The following CHST1 variants were observed in gnomAD, a reference collection of about 807,000 sequenced individuals.
The protein encoded by CHST1 is carbohydrate sulfotransferase 1.
Under a neutral mutation model 22.5 loss-of-function variants are expected in CHST1, and 10 were observed. That is an observed-to-expected ratio of 0.44 (90% confidence interval 0.27 to 0.75). The LOEUF (loss-of-function observed/expected upper bound fraction) is 0.75. Among genes scored for constraint, CHST1 ranks in the 30% least tolerant of loss-of-function variants. The pLI, the probability that CHST1 is intolerant of heterozygous loss-of-function variation, is 0.15. For missense variants in CHST1, 439 were observed against 576.1 expected (o/e 0.76, Z 2.44); for synonymous variants, 267 against 264.5 (o/e 1.01, Z -0.09).
chr11:45,664,702 G>C (rs912129910), intron 1 of CHST1, among the ~76,000 whole-genome samples: 2 of 152,234 alleles, frequency 1.3e-5, no homozygotes, highest in Non-Finnish European at 2.9e-5. Context: ...CGGTCTGGGT[G>C]CGGAGGCCGG....
At chr11:45,655,635 G>A (rs1269034694) in intron 1 of CHST1, among the ~76,000 whole-genome samples, 1 of 152,246 alleles carries the variant, frequency 6.6e-6, no homozygotes, top group African/African-American at 2.4e-5. Flanking sequence ...CGCACCGGGA[G>A]AGCCCAGCTG....
intron 1 of CHST1, among the ~76,000 whole-genome samples, chr11:45,655,234 C>T (rs11038605): frequency 0.089 from 13,560 of 152,230 alleles, 907 homozygotes; most frequent in East Asian, 0.33. Flanking sequence ...CCTGGTGCAG[C>T]GTAAGCACTC....
At chr11:45,661,969 C>G (rs1291559464) in intron 1 of CHST1, among the ~76,000 whole-genome samples, 1 of 152,232 alleles carries the variant, frequency 6.6e-6, no homozygotes, top group South Asian at 2.1e-4. Context: ...AATAACAGAT[C>G]AGCAGCTGCT....
At chr11:45,663,667 TC>T (rs1277328018) in intron 1 of CHST1, among the ~76,000 whole-genome samples, 1 of 145,772 alleles carries the variant, frequency 6.9e-6, no homozygotes, top group East Asian at 2.2e-4. Context: ...CTGGTGCCCC[TC>T]CCCTCCCCAC....
At chr11:45,663,193 T>G (rs2120351624) in intron 1 of CHST1, among the ~76,000 whole-genome samples, 1 of 152,222 alleles carries the variant, frequency 6.6e-6, no homozygotes, top group Admixed American at 6.5e-5. Flanking sequence ...AAGGGGAATC[T>G]AGTAGGGCAT....
intron 1 of CHST1, among the ~76,000 whole-genome samples, chr11:45,654,634 T>C (rs1852038096): frequency 6.6e-6 from 1 of 152,214 alleles, no homozygotes; most frequent in Admixed American, 6.5e-5. Context: ...AGCCAGACTG[T>C]GGCCCCCAGA....
At position 45,649,679 on chromosome 11, in the gene CHST1, C is replaced by G. The variant is rs1478703490; in HGVS notation, c.*9G>C. 3 of 1,544,184 alleles carry G rather than the reference C, an allele frequency of 1.9e-6. No homozygotes were observed. The highest frequency in any genetic ancestry group is 3.9e-5 in the Admixed American group (2 of 51,466). On this transcript the variant is annotated 3_prime_UTR_variant, in exon 4 of 4. Coordinates refer to ENST00000308064, the MANE Select transcript of CHST1 (RefSeq NM_003654.6). ...CTTGCGCCTCCCGCCCCCACCCGCA[C>G]CGCCCGGGTCACGAGAAGGGGCGGA...
At chr11:45,662,999 C>T (rs985979408) in intron 1 of CHST1, among the ~76,000 whole-genome samples, 4 of 152,200 alleles carry the variant, frequency 2.6e-5, no homozygotes, top group African/African-American at 7.2e-5. Flanking sequence ...CCACCACAGC[C>T]GCTACACCGA....
intron 1 of CHST1, among the ~76,000 whole-genome samples, chr11:45,663,563 C>T (rs140408427): frequency 1.3e-5 from 2 of 152,230 alleles, no homozygotes; most frequent in Non-Finnish European, 2.9e-5. Context: ...ATGGGGAAGC[C>T]GGGTGTTGAG....
At chr11:45,662,501 T>TCAC (rs1399410128) in intron 1 of CHST1, among the ~76,000 whole-genome samples, 1 of 152,110 alleles carries the variant, frequency 6.6e-6, no homozygotes, top group African/African-American at 2.4e-5. Flanking sequence ...AGAGGCTGTT[T>TCAC]CAAAGCAGGA....
chr11:45,656,942 G>C (rs1358986062), intron 1 of CHST1, among the ~76,000 whole-genome samples: 3 of 152,154 alleles, frequency 2.0e-5, no homozygotes, highest in African/African-American at 7.2e-5. Flanking sequence ...CTGGGATGGG[G>C]AAATGACTCT....
At position 45,648,866 on chromosome 11, in the gene CHST1, T is replaced by A. The variant is rs921751178; in HGVS notation, c.*822A>T. On this transcript the variant is annotated 3_prime_UTR_variant, in exon 4 of 4. Coordinates refer to ENST00000308064, the MANE Select transcript of CHST1 (RefSeq NM_003654.6). ...CGTACCCATTCAGAATGTCCTGCAA[T>A]CACACACAGAGATTATTGCACTCTT... 12 of 152,516 alleles carry A rather than the reference T, an allele frequency of 7.9e-5. No homozygotes were observed. The highest frequency in any genetic ancestry group is 2.9e-4 in the African/African-American group (12 of 41,390). 9.4% of individuals were successfully genotyped at this position (152,516 alleles called of 1,614,324 possible).
In CHST1 at chr11:45,650,094, T is replaced by G; in HGVS notation, c.830A>C (p.Glu277Ala). The G allele has an allele frequency of 6.2e-7, 1 of 1,614,052 alleles. No individual in the cohort carries two copies. Among genetic ancestry groups the G allele is most frequent in the Admixed American group, 1.7e-5 (1 of 60,028 alleles). The change falls in exon 4 of 4, where the codon GAG becomes GCG. Residue 277 changes from glutamate (E) to alanine (A), a missense_variant. By Grantham distance (107) the Glu-to-Ala change is moderately radical (BLOSUM62 -1). Coordinates refer to ENST00000308064, the MANE Select transcript of CHST1 (RefSeq NM_003654.6). The stretch of plus-strand genomic sequence containing the variant: ...GGTGGACACGGAGTTGGAGAAGTCC[T>G]CGCACACCGTGGTCAGCTGCGTCAC... ...LDVTQLTTVC[E>A]DFSNSVSTGL...
chr11:45,664,836 C>G (rs1030751444), intron 1 of CHST1, among the ~76,000 whole-genome samples: 1 of 152,160 alleles, frequency 6.6e-6, no homozygotes, highest in Admixed American at 6.5e-5. Context: ...CCGAGCCAGG[C>G]GGGTCGTGGG....
intron 1 of CHST1, among the ~76,000 whole-genome samples, chr11:45,655,616 C>A (rs1024324203): frequency 4.6e-5 from 7 of 152,266 alleles, no homozygotes; most frequent in Non-Finnish European, 1.0e-4. Context: ...CGTGCACCCC[C>A]ACCCTAGCCG....
chr11:45,650,199 G>A lies in CHST1; in HGVS notation c.725C>T (p.Ser242Leu), dbSNP rs1247517825. The A allele has an allele frequency of 2.5e-6, 4 of 1,611,718 alleles. No homozygotes were observed. Among genetic ancestry groups the A allele is most frequent in the African/African-American group, 1.3e-5 (1 of 75,068 alleles). ...LVRDPRGILA[S>L]RSETFRDTYR... ...CGTGTCGCGGAAGGTCTCGCTGCGC[G>A]AAGCCAGAATGCCGCGGGGGTCTCG... is the stretch of plus-strand genomic sequence containing the variant. The change falls in exon 4 of 4, where the codon TCG (serine) becomes TTG (leucine). Residue 242 changes from serine (S) to leucine (L), a missense_variant. Physicochemically the swap from Ser to Leu is moderately radical, Grantham distance 145. Coordinates refer to ENST00000308064, the MANE Select transcript of CHST1 (RefSeq NM_003654.6).
chr11:45,654,788 G>A (rs1369736877), intron 1 of CHST1, among the ~76,000 whole-genome samples: 2 of 152,226 alleles, frequency 1.3e-5, no homozygotes, highest in African/African-American at 4.8e-5. Context: ...TTCACTCCCA[G>A]GAGAAAGCTC....
rs898648287 is a variant in CHST1 at position 45,647,714 on chromosome 11, T to C, written c.*1974A>G. 6.6e-6 allele frequency among the ~76,000 whole-genome samples: 1 copy of C among 152,248 alleles called. No individual in the cohort carries two copies. ...TGGTGGCACACGTTGTGAATGTATT[T>C]AATGAATGGTACACCTTAAAAAGGT... On this transcript the variant is annotated 3_prime_UTR_variant, in exon 4 of 4. Transcript: ENST00000308064.
In CHST1 at chr11:45,649,826, G is replaced by T; in HGVS notation, c.1098C>A (p.Tyr366Ter). 1 of 1,611,652 alleles carries T rather than the reference G, an allele frequency of 6.2e-7. No individual in the cohort carries two copies. Among genetic ancestry groups the T allele is most frequent in the Non-Finnish European group, 8.5e-7 (1 of 1,179,944 alleles). Residue 366 changes from tyrosine to a stop codon, truncating the protein, a stop_gained, in exon 4 of 4, where the codon TAC becomes TAA. Coordinates refer to ENST00000308064, the MANE Select transcript of CHST1 (RefSeq NM_003654.6). LOFTEE classifies it high-confidence loss of function. ...TAEKWRFRLS[Y>*]DIVAFAQNAC... The stretch of plus-strand genomic sequence containing the variant: ...CGTTCTGGGCAAAGGCCACGATGTC[G>T]TAGGAGAGGCGGAAGCGCCACTTCT...
Sources: gnomAD v4.1 joint callset for allele counts (sites outside exome capture counted in the v4.1 genomes callset) on GRCh38, gnomAD v4.1.1 for gene constraint, MANE v1.5 for transcripts, NCBI Gene and HGNC (gene_info 2026-07-23, HGNC 2026-07-21) for gene names.